The following FGFR1 variants were observed in gnomAD, a reference collection of about 807,000 sequenced individuals.
FGFR1 encodes the protein FGFR1/PLAG1 fusion.
In FGFR1, 18 loss-of-function variants were observed where a neutral mutation model predicts 93.7. The ratio of observed to expected loss-of-function variants is 0.19; its 90% CI spans 0.13 to 0.28. The LOEUF is 0.28. Ranked by LOEUF, FGFR1 falls within the 10% of genes least tolerant of loss-of-function variation. The pLI is 1.00. For missense variants in FGFR1, 731 were observed against 1,080.4 expected, an observed-to-expected ratio of 0.68 and a Z score of 4.53; for synonymous variants, 448 against 429.3, an observed-to-expected ratio of 1.04 and a Z score of -0.54.
rs2150871683 is a variant in FGFR1, at chr8:38,426,342, G to A, written c.622-97C>T. On this transcript the variant is annotated intron_variant, in intron 5 of 17. Transcript: ENST00000447712. This position sits in a 1 kb window ranked among gnomAD's most constrained non-coding sequence, Gnocchi z 4.1. The stretch of plus-strand genomic sequence containing the variant: ...CCCGTGGCACCTGCCCTCCATATCA[G>A]AGCCTGGTGGCACAGGGCCCCAGGC... 6.4e-7 allele frequency: 1 copy of A among 1,555,822 alleles called. No homozygotes were observed. The highest frequency in any genetic ancestry group is 1.7e-5 in the Admixed American group (1 of 59,880).
intron 2 of FGFR1, among the ~76,000 whole-genome samples, chr8:38,450,713 C>G (rs532867630): frequency 1.3e-5 from 2 of 152,208 alleles, no homozygotes; most frequent in Non-Finnish European, 2.9e-5. Flanking sequence ...TCCCTTCCCC[C>G]ACTGGCAGCA....
intron 5 of FGFR1, 39 bp downstream of exon 5, chr8:38,427,882 G>A (rs763226518): frequency 2.5e-6 from 4 of 1,612,214 alleles, no homozygotes. Context: ...GGCCTCCCCT[G>A]TTCCCATTAC....
At chr8:38,445,138 G>T (rs1229054636) in intron 2 of FGFR1, among the ~76,000 whole-genome samples, 1 of 152,156 alleles carries the variant, frequency 6.6e-6, no homozygotes, top group Non-Finnish European at 1.5e-5. Flanking sequence ...TCGCTTACTG[G>T]CATCCCTTTC....
At chr8:38,457,262 G>A (rs1833086436) in intron 2 of FGFR1, 94 bp downstream of exon 2, 13 of 1,402,552 alleles carry the variant, frequency 9.3e-6, no homozygotes, top group Non-Finnish European at 1.3e-5. Context: ...AGCCTTCCCT[G>A]TTGACCACAT....
At chr8:38,417,848 C>T (rs1035050410) in intron 11 of FGFR1, 22 bp downstream of exon 11, 2 of 1,614,184 alleles carry the variant, frequency 1.2e-6, no homozygotes, top group Non-Finnish European at 1.7e-6. Context: ...ATTTTCTTTG[C>T]AAGGACAGAA....
At chr8:38,451,791 C>T (rs1256581138) in intron 2 of FGFR1, among the ~76,000 whole-genome samples, 1 of 152,078 alleles carries the variant, frequency 6.6e-6, no homozygotes, top group South Asian at 2.1e-4. Flanking sequence ...GGGGCAGGAC[C>T]CCCACCCCAA....
At chr8:38,458,293 C>T (rs1833443228) in intron 1 of FGFR1, among the ~76,000 whole-genome samples, 2 of 152,134 alleles carry the variant, frequency 1.3e-5, no homozygotes, top group Non-Finnish European at 2.9e-5. Context: ...GCAATCCCAG[C>T]ACTTCGGGAG....
chr8:38,425,756 T>G (rs546019106), intron 6 of FGFR1, among the ~76,000 whole-genome samples: 12 of 152,304 alleles, frequency 7.9e-5, no homozygotes, highest in African/African-American at 2.9e-4. Flanking sequence ...CTTGCAGGTG[T>G]GCCATGAGCA....
Position 38,424,381 on chromosome 8 carries a change from G to T in FGFR1, c.936+128C>A, listed in dbSNP as rs748394073. 3 of 950,894 alleles carry T rather than the reference G, an allele frequency of 3.2e-6. No individual in the cohort carries two copies. Among genetic ancestry groups the T allele is most frequent in the Admixed American group, 3.9e-5 (2 of 51,706 alleles). 58.9% of individuals were successfully genotyped at this position (950,894 alleles called of 1,614,324 possible). On this transcript the variant is annotated intron_variant, in intron 7 of 17. Transcript: ENST00000447712. The surrounding 1 kb of genome is among the most constrained non-coding windows in gnomAD (Gnocchi z 4.3). The stretch of plus-strand genomic sequence containing the variant: ...GGCTAGATCCCTACTGAGATGGAGT[G>T]TGTGTGCCTGAAGCGTGAGGAATGA...
chr8:38,451,253 G>C (rs886235244), intron 2 of FGFR1, among the ~76,000 whole-genome samples: 1 of 151,974 alleles, frequency 6.6e-6, no homozygotes, highest in Non-Finnish European at 1.5e-5. Context: ...GATGGGGTGG[G>C]AGTAGGGGAG....
intron 2 of FGFR1, among the ~76,000 whole-genome samples, chr8:38,436,120 AT>A (rs2151052330): frequency 6.6e-6 from 1 of 152,242 alleles, no homozygotes; most frequent in African/African-American, 2.4e-5. Context: ...CATGCCTGTA[AT>A]CCCAGCCCTT....
chr8:38,441,163 T>C (rs187995873), intron 2 of FGFR1, among the ~76,000 whole-genome samples: 1 of 151,262 alleles, frequency 6.6e-6, no homozygotes, highest in South Asian at 2.1e-4. Context: ...TGGAGAGTTG[T>C]GTGTGGATCT....
At chr8:38,456,853 G>T (rs1288146979) in intron 2 of FGFR1, among the ~76,000 whole-genome samples, 1 of 152,066 alleles carries the variant, frequency 6.6e-6, no homozygotes, top group Admixed American at 6.6e-5. Flanking sequence ...TTACATGTGT[G>T]ACCCACTATG....
At chr8:38,443,758 A>G (rs1207894938) in intron 2 of FGFR1, among the ~76,000 whole-genome samples, 1 of 152,128 alleles carries the variant, frequency 6.6e-6, no homozygotes, top group East Asian at 1.9e-4. Flanking sequence ...TACCACAACA[A>G]AAGAATTAGA....
At chr8:38,420,144 G>C (rs1237124524) in intron 8 of FGFR1, 2 of 213,558 alleles carry the variant, frequency 9.4e-6, no homozygotes, top group Non-Finnish European at 1.9e-5. Flanking sequence ...AGCACTGTGT[G>C]CATGCACTTA....
chr8:38,429,958 C>T lies in FGFR1; in HGVS notation c.92-10G>A, dbSNP rs896462248. 1.3e-6 allele frequency: 2 copies of T among 1,598,276 alleles called. No homozygotes were observed. Among genetic ancestry groups the T allele is most frequent in the Admixed American group, 3.4e-5 (2 of 58,764 alleles). ...GCTCCCCAGGGCTGGGCTGCAGCCA[C>T]CACGGGGCCGGGAAGGGAAGCCAAG... On this transcript the variant is annotated splice_polypyrimidine_tract_variant and intron_variant, in intron 2 of 17. Coordinates refer to ENST00000447712, the MANE Select transcript of FGFR1 (RefSeq NM_023110.3). The surrounding 1 kb of genome is among the most constrained non-coding windows in gnomAD (Gnocchi z 4.4).
intron 7 of FGFR1, chr8:38,422,667 G>C: frequency 3.2e-6 from 1 of 309,716 alleles, no homozygotes; most frequent in South Asian, 6.4e-5. Context: ...CTCCCAAAGT[G>C]CTGGGATGAC....
intron 11 of FGFR1, 61 bp downstream of exon 11, chr8:38,417,809 G>A: frequency 6.2e-7 from 1 of 1,613,480 alleles, no homozygotes; most frequent in Non-Finnish European, 8.5e-7. Flanking sequence ...CTGGGCCCGA[G>A]GCCTGCTGTT....
intron 2 of FGFR1, among the ~76,000 whole-genome samples, chr8:38,445,412 T>C (rs1305049954): frequency 2.0e-5 from 3 of 152,200 alleles, no homozygotes; most frequent in African/African-American, 4.8e-5. Flanking sequence ...TATTACCCCA[T>C]GAGAATGGCT....
Sources: gnomAD v4.1 joint callset for allele counts (sites outside exome capture counted in the v4.1 genomes callset) on GRCh38, gnomAD v4.1.1 for gene constraint, Gnocchi (gnomAD v3.1) non-coding constraint, MANE v1.5 for transcripts, NCBI Gene and HGNC (gene_info 2026-07-23, HGNC 2026-07-21) for gene names.